The following SLC22A15 variants were observed in gnomAD, a reference collection of about 807,000 sequenced individuals.
SLC22A15 encodes the protein solute carrier family 22 member 15.
SLC22A15 carries 45 observed loss-of-function variants against 62.7 expected under a neutral mutation model. That is an observed-to-expected ratio of 0.72 (90% CI 0.56 to 0.92). The LOEUF (loss-of-function observed/expected upper bound fraction) is 0.92, where lower values mean the gene tolerates loss of function less well. Among genes scored for constraint, SLC22A15 ranks in the 40% least tolerant of loss-of-function variants. SLC22A15 has a pLI of 0.00. For synonymous variants in SLC22A15, 264 were observed against 267.0 expected, an observed-to-expected ratio of 0.99 and a Z score of 0.11; for missense variants, 622 against 665.6, an observed-to-expected ratio of 0.93 and a Z score of 0.72.
chr1:116,037,493 G>A (rs908830854), intron 8 of SLC22A15, 105 bp downstream of exon 8: 21 of 858,556 alleles, frequency 2.4e-5, no homozygotes, highest in Non-Finnish European at 4.1e-5. Flanking sequence ...TTCTGTGATT[G>A]CATATTGTTT....
chr1:116,011,756 AATGAATAGTTC>A (rs1240098240), intron 2 of SLC22A15, among the ~76,000 whole-genome samples: 1 of 152,108 alleles, frequency 6.6e-6, no homozygotes, highest in Non-Finnish European at 1.5e-5. Flanking sequence ...TGTCATGGAG[AATGAATAGTTC>A]ACGGGGGAGG....
At chr1:115,997,367 A>T (rs1448791785) in intron 2 of SLC22A15, among the ~76,000 whole-genome samples, 6 of 152,094 alleles carry the variant, frequency 3.9e-5, no homozygotes, top group African/African-American at 1.4e-4. Flanking sequence ...TAGAGATAGC[A>T]TTGAATCTGT....
chr1:116,016,634 G>A (rs1656544789), intron 2 of SLC22A15, among the ~76,000 whole-genome samples: 1 of 152,118 alleles, frequency 6.6e-6, no homozygotes, highest in South Asian at 2.1e-4. Context: ...CTCTGTCTGA[G>A]CTTCTTCACA....
intron 8 of SLC22A15, among the ~76,000 whole-genome samples, chr1:116,062,209 C>G (rs1269412707): frequency 6.6e-6 from 1 of 152,006 alleles, no homozygotes; most frequent in African/African-American, 2.4e-5. Flanking sequence ...GACTCTGTCT[C>G]AAAAAACAGA....
At chr1:116,032,022 A>T (rs1387445165) in intron 6 of SLC22A15, 6 of 1,033,698 alleles carry the variant, frequency 5.8e-6, no homozygotes, top group Non-Finnish European at 7.0e-6. Flanking sequence ...TCCATGCTGC[A>T]TTTTCTGTGG....
chr1:115,992,477 T>A (rs1339040252), intron 2 of SLC22A15, among the ~76,000 whole-genome samples: 4 of 152,192 alleles, frequency 2.6e-5, no homozygotes, highest in Admixed American at 2.6e-4. Context: ...GATGAAAAGA[T>A]ACAAACTCCA....
At chr1:116,050,837 C>T (rs2101531359) in intron 8 of SLC22A15, among the ~76,000 whole-genome samples, 1 of 152,284 alleles carries the variant, frequency 6.6e-6, no homozygotes, top group East Asian at 1.9e-4. Flanking sequence ...AAGACTCCTC[C>T]AGAAAGCTCC....
chr1:116,010,196 T>G (rs1656180898), intron 2 of SLC22A15, among the ~76,000 whole-genome samples: 1 of 152,224 alleles, frequency 6.6e-6, no homozygotes, highest in Non-Finnish European at 1.5e-5. Context: ...AAGCACCAAA[T>G]ATCACGGAGA....
intron 1 of SLC22A15, among the ~76,000 whole-genome samples, chr1:115,983,462 G>A (rs1253520345): frequency 1.3e-5 from 2 of 152,212 alleles, no homozygotes; most frequent in Non-Finnish European, 2.9e-5. Flanking sequence ...GTGTGTGTAT[G>A]TGTGTTTATG....
chr1:116,028,721 A>G (rs946968153), intron 5 of SLC22A15, among the ~76,000 whole-genome samples: 1 of 151,952 alleles, frequency 6.6e-6, no homozygotes, highest in African/African-American at 2.4e-5. Flanking sequence ...GTCAGCCTCC[A>G]TTTATCTTTC....
chr1:116,026,463 A>G (rs1034060056), intron 4 of SLC22A15, among the ~76,000 whole-genome samples: 14 of 151,946 alleles, frequency 9.2e-5, no homozygotes, highest in Non-Finnish European at 1.6e-4. Flanking sequence ...AAGAAAAGAA[A>G]GAAACTTCAA....
Position 116,065,875 on chromosome 1 carries a change from A to C in SLC22A15, c.1366-645A>C, listed in dbSNP as rs891899390. Among the ~76,000 whole-genome samples, 6 of 152,048 alleles carry C rather than the reference A, an allele frequency of 3.9e-5. No homozygotes were observed. The East Asian group carries it at 1.2e-3, about 29-fold the overall frequency. ...CAACTGTTTTTCATGTTTTCTTTGA[A>C]TCTCTTTGTGATGAAATGTTTCCGT... On this transcript the variant is annotated intron_variant, in intron 10 of 11. Transcript: ENST00000369503.
rs1323672142 is a variant in SLC22A15, at chr1:116,005,310, A to G, written c.300+13067A>G. 3.3e-5 allele frequency among the ~76,000 whole-genome samples: 5 copies of G among 152,082 alleles called. No individual in the cohort carries two copies. The South Asian group carries it at 8.3e-4, about 25-fold the overall frequency. ...TATCAGAAATTTTTGGCATAACAAG[A>G]TATTCCAAGTTCATCTTGTACCTCT... is the stretch of plus-strand genomic sequence containing the variant. On this transcript the variant is annotated intron_variant, in intron 2 of 11. Coordinates refer to ENST00000369503, the MANE Select transcript of SLC22A15 (RefSeq NM_018420.3).
intron 8 of SLC22A15, among the ~76,000 whole-genome samples, chr1:116,040,945 GA>G (rs1163719067): frequency 1.3e-5 from 2 of 152,200 alleles, no homozygotes; most frequent in Non-Finnish European, 2.9e-5. Flanking sequence ...TGTAAATAAT[GA>G]AGCTGAAGTC....
At chr1:116,037,161 A>G in intron 7 of SLC22A15, 142 bp from the exon 8 acceptor site, 2 of 662,342 alleles carry the variant, frequency 3.0e-6, no homozygotes, top group South Asian at 4.1e-5. Flanking sequence ...TCAGTTTCCT[A>G]TCAGTCACAT....
intron 5 of SLC22A15, among the ~76,000 whole-genome samples, chr1:116,029,548 G>A (rs1044079063): frequency 6.6e-6 from 1 of 152,070 alleles, no homozygotes; most frequent in African/African-American, 2.4e-5. Flanking sequence ...TGGCAACTAG[G>A]TGACCCTCTT....
chr1:116,037,865 G>T (rs1201192100), intron 8 of SLC22A15, among the ~76,000 whole-genome samples: 1 of 152,170 alleles, frequency 6.6e-6, no homozygotes, highest in East Asian at 1.9e-4. Flanking sequence ...TTCACTGTTG[G>T]TGACAATGGA....
chr1:116,025,320 G>A (rs1657034348), intron 4 of SLC22A15, among the ~76,000 whole-genome samples: 1 of 152,152 alleles, frequency 6.6e-6, no homozygotes, highest in African/African-American at 2.4e-5. Context: ...GGTGCTGTTT[G>A]ATCTACAGCA....
chr1:116,055,335 C>A (rs571935809), intron 8 of SLC22A15, among the ~76,000 whole-genome samples: 6 of 151,962 alleles, frequency 3.9e-5, no homozygotes, highest in African/African-American at 7.2e-5. Flanking sequence ...TACACATACA[C>A]CCTCCCAAGA....
Sources: gnomAD v4.1 joint callset for allele counts (sites outside exome capture counted in the v4.1 genomes callset) on GRCh38, gnomAD v4.1.1 for gene constraint, MANE v1.5 for transcripts, NCBI Gene and HGNC (gene_info 2026-07-23, HGNC 2026-07-21) for gene names.